Variants in LMF1 observed in about 807,000 individuals in gnomAD.
LMF1 encodes the protein lipase maturation factor 1.
In LMF1, 68 loss-of-function variants were observed where a neutral mutation model predicts 60.6. The observed-to-expected ratio is 1.12, with a 90% CI of 0.92 to 1.37. The LOEUF is 1.37. LMF1 is among the 40% of genes most tolerant of loss of function. LMF1 has a pLI of 0.00. For missense variants in LMF1, 948 were observed against 767.2 expected, an observed-to-expected ratio of 1.24 and a Z score of -2.78; for synonymous variants, 418 against 324.7, an observed-to-expected ratio of 1.29 and a Z score of -3.09.
At chr16:890,569 C>T (rs563337181) in intron 5 of LMF1, among the ~76,000 whole-genome samples, 1 of 152,294 alleles carries the variant, frequency 6.6e-6, no homozygotes, top group Admixed American at 6.5e-5. Flanking sequence ...GGGCCCTGAC[C>T]TCACACACCC....
intron 3 of LMF1, among the ~76,000 whole-genome samples, chr16:913,692 C>T (rs888247990): frequency 6.6e-6 from 1 of 152,240 alleles, no homozygotes; most frequent in Non-Finnish European, 1.5e-5. Flanking sequence ...CTGTACTGTG[C>T]CATTCACAGG....
intron 3 of LMF1, among the ~76,000 whole-genome samples, chr16:932,689 A>G (rs1454597193): frequency 6.6e-6 from 1 of 152,184 alleles, no homozygotes; most frequent in East Asian, 1.9e-4. Flanking sequence ...CAAACTGCTA[A>G]GATTATAGGC....
chr16:910,798 T>TGGCCA (rs1312162272), intron 4 of LMF1, 133 bp downstream of exon 4: 13 of 1,124,576 alleles, frequency 1.2e-5, no homozygotes, highest in African/African-American at 9.4e-5. Context: ...AGTGCGCAGC[T>TGGCCA]GGCCAGGCCA....
intron 2 of LMF1, among the ~76,000 whole-genome samples, chr16:950,036 C>T (rs1293857884): frequency 7.7e-6 from 1 of 129,142 alleles, no homozygotes; most frequent in East Asian, 2.3e-4. Context: ...CAGCCAACGA[C>T]AGAGTCAGAG....
chr16:905,279 G>T (rs28506854), intron 4 of LMF1: 1,949 of 144,952 alleles, frequency 0.013, 51 homozygotes, highest in African/African-American at 0.05. Flanking sequence ...TGCACTGCCC[G>T]TGGGGACGCC....
intron 10 of LMF1, among the ~76,000 whole-genome samples, chr16:857,936 TGCGTGGTGTCTCGG>T (rs2069257051): frequency 3.9e-5 from 1 of 25,900 alleles, no homozygotes; most frequent in African/African-American, 3.6e-4. Context: ...GGGATGGGTG[TGCGTGGTGTCTCGG>T]GATGGGTGTG....
intron 3 of LMF1, among the ~76,000 whole-genome samples, chr16:918,811 A>AT (rs2071348719): frequency 6.6e-6 from 1 of 151,764 alleles, no homozygotes; most frequent in South Asian, 2.1e-4. Context: ...CCCGGGGCGC[A>AT]CCCCGACTCT....
chr16:954,979 T>C (rs58128019), intron 1 of LMF1, among the ~76,000 whole-genome samples: 5,890 of 72,004 alleles, frequency 0.082, 109 homozygotes, highest in African/African-American at 0.15. Context: ...CATATCTAAG[T>C]GAACCAGACA....
intron 10 of LMF1, among the ~76,000 whole-genome samples, chr16:856,389 C>T (rs369072515): frequency 3.3e-5 from 5 of 152,316 alleles, no homozygotes; most frequent in Middle Eastern, 3.4e-3. Flanking sequence ...GCCGTGAGGG[C>T]GCTGGGCTGT....
At chr16:857,930 T>C (rs868654936) in intron 10 of LMF1, among the ~76,000 whole-genome samples, 2 of 17,364 alleles carry the variant, frequency 1.2e-4, no homozygotes, top group Non-Finnish European at 1.7e-4. Context: ...TGTCTCGGGA[T>C]GGGTGTGCGT....
Position 940,065 on chromosome 16 carries a change from G to A in LMF1, c.504-5811C>T, listed in dbSNP as rs140495806. Among the ~76,000 whole-genome samples the A allele has an allele frequency of 7.9e-4, 120 of 152,262 alleles. 1 individual carries two copies. The East Asian group carries it at 0.016, about 21-fold the overall frequency. On this transcript the variant is annotated intron_variant, in intron 2 of 10. Coordinates refer to ENST00000262301, the MANE Select transcript of LMF1 (RefSeq NM_022773.4). ...CAGACCAAAGGGGAGGAGGCAAAGCGGCAGGGACCCGAGTGATACGTCCAC... is the reference window on the plus strand; with the variant it reads ...CAGACCAAAGGGGAGGAGGCAAAGCAGCAGGGACCCGAGTGATACGTCCAC...
chr16:875,580 G>A (rs754324934), intron 6 of LMF1, among the ~76,000 whole-genome samples: 1 of 152,164 alleles, frequency 6.6e-6, no homozygotes, highest in African/African-American at 2.4e-5. Flanking sequence ...GAGGGGCAGT[G>A]GTGGAACTGG....
At chr16:943,322 G>A (rs1373671922) in intron 2 of LMF1, among the ~76,000 whole-genome samples, 2 of 147,718 alleles carry the variant, frequency 1.4e-5, no homozygotes, top group South Asian at 2.1e-4. Flanking sequence ...AGTGAGCCGA[G>A]ATCGCGCCAC....
intron 6 of LMF1, chr16:872,923 G>A (rs1454467702): frequency 6.6e-6 from 1 of 152,288 alleles, no homozygotes; most frequent in Non-Finnish European, 1.5e-5. Flanking sequence ...GCACCTGCCT[G>A]CCTGGGTCAG....
At chr16:882,803 A>G (rs1344009743) in intron 5 of LMF1, among the ~76,000 whole-genome samples, 1 of 148,212 alleles carries the variant, frequency 6.7e-6, no homozygotes, top group Non-Finnish European at 1.5e-5. Flanking sequence ...GAGAAGGAGG[A>G]GCCGGCGGCA....
At chr16:939,351 A>C (rs2072033268) in intron 2 of LMF1, among the ~76,000 whole-genome samples, 1 of 152,248 alleles carries the variant, frequency 6.6e-6, no homozygotes, top group Non-Finnish European at 1.5e-5. Flanking sequence ...TAGTTCACAC[A>C]GTAAGTCACA....
At chr16:916,660 G>A (rs374465478) in intron 3 of LMF1, among the ~76,000 whole-genome samples, 20 of 152,288 alleles carry the variant, frequency 1.3e-4, no homozygotes, top group South Asian at 4.1e-4. Context: ...TCTGTGATCC[G>A]CCCACATGCA....
rs558449110 is a variant in LMF1, at chr16:936,534, A to AG, written c.504-2281dup. On this transcript the variant is annotated intron_variant, in intron 2 of 10. Coordinates refer to ENST00000262301, the MANE Select transcript of LMF1 (RefSeq NM_022773.4). ...GGGCTCAGGAAGGAGGCTGGGAGAG[A>AG]GGGGGTACCCCGTGGGCTGAGGAAG... Among the ~76,000 whole-genome samples the AG allele has an allele frequency of 2.8e-5, 4 of 144,740 alleles. No homozygotes were observed. In the East Asian group the frequency reaches 6.4e-4, roughly 23 times the overall value. 95.0% of individuals were successfully genotyped at this position (144,740 alleles called of 152,430 possible).
In LMF1 at chr16:904,809, A is replaced by G. The variant is rs367934689; in HGVS notation, c.663+6122T>C. 2.4e-3 allele frequency: 110 copies of G among 44,942 alleles called. 1 individual carries two copies. The East Asian group carries it at 0.043, about 18-fold the overall frequency. 2.8% of individuals were successfully genotyped at this position (44,942 alleles called of 1,614,324 possible). The stretch of plus-strand genomic sequence containing the variant: ...TCTGCTGTGTGGTGGTGACCTCTGC[A>G]CTGCCCGTGGGGACGCCTGTCTCTG... On this transcript the variant is annotated intron_variant, in intron 4 of 10. Transcript: ENST00000262301.
Sources: gnomAD v4.1 joint callset for allele counts (sites outside exome capture counted in the v4.1 genomes callset) on GRCh38, gnomAD v4.1.1 for gene constraint, MANE v1.5 for transcripts, NCBI Gene and HGNC (gene_info 2026-07-23, HGNC 2026-07-21) for gene names.